The following MACROD2 variants were observed in gnomAD, a reference collection of about 807,000 sequenced individuals.
MACROD2 encodes ADP-ribose glycohydrolase MACROD2.
Under a neutral mutation model 70.4 loss-of-function variants are expected in MACROD2, and 36 were observed. The ratio of observed to expected loss-of-function variants is 0.51; its 90% confidence interval spans 0.39 to 0.68. The LOEUF is 0.68. Among genes scored for constraint, MACROD2 ranks in the 30% least tolerant of loss-of-function variants. The pLI is 0.00. For missense variants in MACROD2, 496 were observed against 538.4 expected (o/e 0.92, Z 0.78); for synonymous variants, 172 against 178.8 (o/e 0.96, Z 0.30).
chr20:14,507,998 A>C (rs2084988119), intron 4 of MACROD2, among the ~76,000 whole-genome samples: 1 of 152,200 alleles, frequency 6.6e-6, no homozygotes. Flanking sequence ...AATCATGCAA[A>C]CATTAGACAT....
In MACROD2 at chr20:14,024,627, A is replaced by T. The variant is rs1298816773; in HGVS notation, c.163+22223A>T. On this transcript the variant is annotated intron_variant, in intron 2 of 17. Transcript: ENST00000684519. ...TTAAATTTTCTGTATCTATTAAGAT[A>T]ATCATGTGGTTTTTGTTGTTGGTTC... Among the ~76,000 whole-genome samples, 5 of 152,102 alleles carry T rather than the reference A, an allele frequency of 3.3e-5. No individual in the cohort carries two copies. In the East Asian group the frequency reaches 9.6e-4, roughly 29 times the overall value.
chr20:15,153,310 AG>A (rs1479876188), intron 5 of MACROD2, among the ~76,000 whole-genome samples: 1 of 152,102 alleles, frequency 6.6e-6, no homozygotes, highest in African/African-American at 2.4e-5. Context: ...TAAATGAAAA[AG>A]GGGGGTTGTT....
chr20:14,036,453 C>T (rs185899741), intron 2 of MACROD2, among the ~76,000 whole-genome samples: 6 of 152,198 alleles, frequency 3.9e-5, no homozygotes, highest in East Asian at 3.9e-4. Context: ...GGGTGTTTTC[C>T]GGTGGTTTCT....
rs569947724 is a variant in MACROD2 at position 14,665,802 on chromosome 20, G to A, written c.302-19041G>A. 4.6e-5 allele frequency among the ~76,000 whole-genome samples: 7 copies of A among 151,980 alleles called. No homozygotes were observed. The South Asian group carries it at 1.5e-3, about 32-fold the overall frequency. On this transcript the variant is annotated intron_variant, in intron 4 of 17. Transcript: ENST00000684519. ...TGGAAGGTGGTTCAAATTCTCCAGG[G>A]CACTTTTATCTTCCCATTCAAAACA...
chr20:15,682,105 G>A (rs1423058965), intron 8 of MACROD2, among the ~76,000 whole-genome samples: 2 of 152,140 alleles, frequency 1.3e-5, no homozygotes, highest in East Asian at 3.9e-4. Flanking sequence ...AGCCACCTAT[G>A]GGATTAAGTA....
chr20:14,526,312 A>G (rs1600341859), intron 4 of MACROD2, among the ~76,000 whole-genome samples: 1 of 151,876 alleles, frequency 6.6e-6, no homozygotes, highest in East Asian at 1.9e-4. Context: ...TTCTTTTCAT[A>G]GTCTTTTTTT....
At chr20:15,324,627 C>G (rs995558485) in intron 6 of MACROD2, among the ~76,000 whole-genome samples, 1 of 152,174 alleles carries the variant, frequency 6.6e-6, no homozygotes, top group Non-Finnish European at 1.5e-5. Flanking sequence ...TAGCCTCTAA[C>G]CTGTGTCATC....
At chr20:14,855,771 GA>G (rs1322112059) in intron 5 of MACROD2, among the ~76,000 whole-genome samples, 1 of 151,440 alleles carries the variant, frequency 6.6e-6, no homozygotes, top group Admixed American at 6.6e-5. Flanking sequence ...TCTCATATAA[GA>G]ACATGAAAAC....
chr20:15,465,275 G>A (rs2046869931), intron 7 of MACROD2, among the ~76,000 whole-genome samples: 1 of 152,206 alleles, frequency 6.6e-6, no homozygotes, highest in African/African-American at 2.4e-5. Flanking sequence ...TTAAAAAGAT[G>A]TATCTACCAT....
intron 3 of MACROD2, among the ~76,000 whole-genome samples, chr20:14,256,223 A>G (rs1157863954): frequency 6.6e-6 from 1 of 151,926 alleles, no homozygotes; most frequent in Non-Finnish European, 1.5e-5. Flanking sequence ...TTTCACTTAT[A>G]CTTTTTCTAG....
In MACROD2 at chr20:14,223,506, C is replaced by CT. The variant is rs11307206; in HGVS notation, c.271+137797dup. Among the ~76,000 whole-genome samples, 364 of 93,066 alleles carry CT rather than the reference C, an allele frequency of 3.9e-3. 3 individuals are homozygous for CT. Among genetic ancestry groups the CT allele is most frequent in the Non-Finnish European group, 4.5e-3 (198 of 44,402 alleles). 61.1% of individuals were successfully genotyped at this position (93,066 alleles called of 152,430 possible). On this transcript the variant is annotated intron_variant, in intron 3 of 17. Coordinates refer to ENST00000684519, the MANE Select transcript of MACROD2 (RefSeq NM_001351661.2). ...AATAGGGAAGCAGCTCCTCTAAATTCTTTTTTTTTTTTTTTTTTTGAGACG... is the reference window on the plus strand; with the variant it reads ...AATAGGGAAGCAGCTCCTCTAAATTCTTTTTTTTTTTTTTTTTTTTGAGACG...
intron 8 of MACROD2, among the ~76,000 whole-genome samples, chr20:15,788,023 A>G (rs2051960336): frequency 6.6e-6 from 1 of 152,218 alleles, no homozygotes; most frequent in South Asian, 2.1e-4. Flanking sequence ...AACAAAGGCA[A>G]AGAATGACTT....
At chr20:14,559,167 C>T (rs1048706583) in intron 4 of MACROD2, among the ~76,000 whole-genome samples, 4 of 151,658 alleles carry the variant, frequency 2.6e-5, no homozygotes, top group Admixed American at 2.6e-4. Context: ...CAATAAACTA[C>T]CTGTTAGAAA....
chr20:14,029,587 T>G (rs534348054), intron 2 of MACROD2, among the ~76,000 whole-genome samples: 1 of 152,226 alleles, frequency 6.6e-6, no homozygotes, highest in East Asian at 1.9e-4. Flanking sequence ...TAGAACAATA[T>G]AAGAAAAAAT....
rs575520710 is a variant in MACROD2 at position 15,769,282 on chromosome 20, G to A, written c.646-93463G>A. Among the ~76,000 whole-genome samples the A allele has an allele frequency of 2.0e-5, 3 of 152,242 alleles. No homozygotes were observed. The South Asian group carries it at 6.2e-4, about 32-fold the overall frequency. ...CCTGCCTCAGCCTCTCGAGTAGCTG[G>A]AATTACAGGCGTGCGCCACCACGCC... On this transcript the variant is annotated intron_variant, in intron 8 of 17. Coordinates refer to ENST00000684519, the MANE Select transcript of MACROD2 (RefSeq NM_001351661.2).
chr20:14,397,515 A>G (rs1301014114), intron 3 of MACROD2, among the ~76,000 whole-genome samples: 1 of 152,098 alleles, frequency 6.6e-6, no homozygotes, highest in Admixed American at 6.5e-5. Flanking sequence ...GCTATGTGTT[A>G]TTTTTGTCAC....
At chr20:15,871,621 G>A (rs1435469281) in intron 9 of MACROD2, among the ~76,000 whole-genome samples, 1 of 152,192 alleles carries the variant, frequency 6.6e-6, no homozygotes, top group Non-Finnish European at 1.5e-5. Flanking sequence ...ATGAGGACCA[G>A]ATTGATTGGG....
At chr20:14,452,938 T>C (rs75175569) in intron 3 of MACROD2, among the ~76,000 whole-genome samples, 1,810 of 152,278 alleles carry the variant, frequency 0.012, 43 homozygotes, top group African/African-American at 0.041. Context: ...CACTTACGGT[T>C]GCTGCAATCT....
intron 3 of MACROD2, among the ~76,000 whole-genome samples, chr20:14,452,519 G>C (rs1308812376): frequency 6.6e-6 from 1 of 152,050 alleles, no homozygotes; most frequent in African/African-American, 2.4e-5. Flanking sequence ...ACCAGTAACA[G>C]TCTTATTATT....
Sources: gnomAD v4.1 joint callset for allele counts (sites outside exome capture counted in the v4.1 genomes callset) on GRCh38, gnomAD v4.1.1 for gene constraint, MANE v1.5 for transcripts, NCBI Gene and HGNC (gene_info 2026-07-23, HGNC 2026-07-21) for gene names.